Variants in OTUD7A observed in about 807,000 individuals in gnomAD.
The protein encoded by OTUD7A is OTU domain-containing protein 7A.
Under a neutral mutation model 65.7 loss-of-function variants are expected in OTUD7A, and 12 were observed. The observed-to-expected ratio is 0.18, with a 90% confidence interval of 0.12 to 0.30. The LOEUF (loss-of-function observed/expected upper bound fraction) is 0.30. OTUD7A is among the 10% of genes least tolerant of loss of function. The pLI is 1.00. For synonymous variants in OTUD7A, 641 were observed against 586.3 expected (o/e 1.09, Z -1.35); for missense variants, 1,148 against 1,304.8 (o/e 0.88, Z 1.85).
intron 3 of OTUD7A, among the ~76,000 whole-genome samples, chr15:31,581,217 C>T (rs563073282): frequency 1.3e-5 from 2 of 152,338 alleles, no homozygotes; most frequent in East Asian, 3.9e-4. Context: ...AGGTGGGTTC[C>T]CATGGTCTTG....
At chr15:31,612,570 A>G (rs543653025) in intron 3 of OTUD7A, among the ~76,000 whole-genome samples, 1 of 152,290 alleles carries the variant, frequency 6.6e-6, no homozygotes, top group South Asian at 2.1e-4. Context: ...TAAAATACCT[A>G]GGAATATACC....
chr15:31,696,790 G>A (rs1404592101), intron 1 of OTUD7A, among the ~76,000 whole-genome samples: 2 of 151,790 alleles, frequency 1.3e-5, no homozygotes, highest in Non-Finnish European at 2.9e-5. Flanking sequence ...AGGGCCTGGG[G>A]CTAGGTGTCT....
chr15:31,618,156 A>AT (rs1446275844), intron 3 of OTUD7A, among the ~76,000 whole-genome samples: 1 of 151,962 alleles, frequency 6.6e-6, no homozygotes, highest in African/African-American at 2.4e-5. Flanking sequence ...TATGTGCCAC[A>AT]TTTTCTTAAT....
intron 9 of OTUD7A, among the ~76,000 whole-genome samples, chr15:31,502,681 C>G (rs1053415423): frequency 6.6e-6 from 1 of 152,150 alleles, no homozygotes; most frequent in Non-Finnish European, 1.5e-5. Context: ...GAAGCGTGGA[C>G]CTTCCTCTGC....
At chr15:31,559,873 G>A (rs1368803381) in intron 4 of OTUD7A, among the ~76,000 whole-genome samples, 2 of 152,304 alleles carry the variant, frequency 1.3e-5, no homozygotes, top group East Asian at 3.9e-4. Context: ...TATTCTCTCT[G>A]CAACAGCCCT....
intron 1 of OTUD7A, among the ~76,000 whole-genome samples, chr15:31,776,618 C>T (rs868860523): frequency 1.3e-5 from 2 of 152,208 alleles, no homozygotes; most frequent in African/African-American, 4.8e-5. Flanking sequence ...ACTAAAGCTA[C>T]AACCCAATTA....
rs183800270 is a variant in OTUD7A at position 31,532,340 on chromosome 15, A to G, written c.551-1532T>C. Among the ~76,000 whole-genome samples the G allele has an allele frequency of 3.1e-3, 465 of 152,338 alleles. 3 individuals are homozygous for G. The highest frequency in any genetic ancestry group is 0.01 in the African/African-American group (432 of 41,590). ...ATAGAAAGTCTTACCAAAACAATAG[A>G]AGATACAAAACAGAGCCAAATAAAG... On this transcript the variant is annotated intron_variant, in intron 5 of 12. Coordinates refer to ENST00000307050, the MANE Select transcript of OTUD7A (RefSeq NM_001382637.1).
intron 3 of OTUD7A, among the ~76,000 whole-genome samples, chr15:31,595,429 A>C (rs1053398751): frequency 6.6e-6 from 1 of 152,228 alleles, no homozygotes; most frequent in South Asian, 2.1e-4. Context: ...GATAATTTGT[A>C]CATGGTAGAA....
In OTUD7A at chr15:31,658,014, C is replaced by CTT. The variant is rs763262211; in HGVS notation, c.-99-938_-99-937insAA. On this transcript the variant is annotated intron_variant, in intron 1 of 12. Transcript: ENST00000307050. ...AATGTGTCCCATCAATGCATGGTGA[C>CTT]TGCCTTAGGAGGGGCAGTGCCGTGT... Among the ~76,000 whole-genome samples the CTT allele has an allele frequency of 6.4e-4, 97 of 152,308 alleles. 2 individuals are homozygous for CTT. The highest frequency in any genetic ancestry group is 1.1e-3 in the Admixed American group (17 of 15,312).
At position 31,862,079 on chromosome 15, in the gene OTUD7A, C is replaced by T. The variant is rs182488307; in HGVS notation, c.-100+8428G>A. Reference sequence around the variant, plus strand: ...CCCCCAGGGGAAAATGCCAAGACCACCCTCTCTGGTAGTACCTCAGGTCAC... The same window carrying T: ...CCCCCAGGGGAAAATGCCAAGACCATCCTCTCTGGTAGTACCTCAGGTCAC... On this transcript the variant is annotated intron_variant, in intron 1 of 12. Transcript: ENST00000307050. 3.3e-5 allele frequency among the ~76,000 whole-genome samples: 5 copies of T among 152,282 alleles called. No homozygotes were observed. In the East Asian group the frequency reaches 5.8e-4, roughly 18 times the overall value.
At chr15:31,866,102 A>AT in intron 1 of OTUD7A, among the ~76,000 whole-genome samples, 1 of 152,274 alleles carries the variant, frequency 6.6e-6, no homozygotes, top group African/African-American at 2.4e-5. Flanking sequence ...AACTTGTATT[A>AT]GCATTAATGT....
At chr15:31,748,990 A>C (rs1458994027) in intron 1 of OTUD7A, among the ~76,000 whole-genome samples, 1 of 152,146 alleles carries the variant, frequency 6.6e-6, no homozygotes, top group African/African-American at 2.4e-5. Context: ...CCTTTGTAGG[A>C]ACATGGATGA....
In OTUD7A at chr15:31,476,410, G is replaced by C. The variant is rs1447779303; in HGVS notation, c.*6884C>G. 1 of 152,310 alleles carries C rather than the reference G, an allele frequency of 6.6e-6. No homozygotes were observed. The highest frequency in any genetic ancestry group is 1.5e-5 in the Non-Finnish European group (1 of 68,094). The allele number at this position is 152,310 out of a possible 1,614,324, so 9.4% of individuals were successfully genotyped here. A position where few individuals can be genotyped will look rare whatever the true frequency, so the allele number is the denominator to read the frequency against. Reference sequence around the variant, plus strand: ...TTCCATTCCTGCAAGCGGGAAGAATGTGTGCAAAGAGCTGGACAGCCCATA... The same window carrying C: ...TTCCATTCCTGCAAGCGGGAAGAATCTGTGCAAAGAGCTGGACAGCCCATA... On this transcript the variant is annotated 3_prime_UTR_variant, in exon 13 of 13. Coordinates refer to ENST00000307050, the MANE Select transcript of OTUD7A (RefSeq NM_001382637.1).
At chr15:31,564,447 TTATCTAAATAAGCAAAGGCAACAAAAAG>T (rs1888800085) in intron 4 of OTUD7A, among the ~76,000 whole-genome samples, 1 of 149,328 alleles carries the variant, frequency 6.7e-6, no homozygotes, top group South Asian at 2.1e-4. Context: ...GAGTTAATTG[TTATCTAAATAAGCAAAGGCAACAAAAAG>T]TATCTAAATA....
At chr15:31,583,245 C>T (rs1297234519) in intron 3 of OTUD7A, among the ~76,000 whole-genome samples, 1 of 152,160 alleles carries the variant, frequency 6.6e-6, no homozygotes, top group Non-Finnish European at 1.5e-5. Context: ...TAGTCTCTAG[C>T]AAGAGGCATT....
intron 1 of OTUD7A, among the ~76,000 whole-genome samples, chr15:31,842,025 T>C (rs1187240626): frequency 6.6e-6 from 1 of 152,214 alleles, no homozygotes; most frequent in Non-Finnish European, 1.5e-5. Context: ...TGCATGCCCA[T>C]CAACAGTGAA....
chr15:31,723,101 G>T (rs963022543), intron 1 of OTUD7A, among the ~76,000 whole-genome samples: 5 of 152,188 alleles, frequency 3.3e-5, no homozygotes, highest in African/African-American at 4.8e-5. Flanking sequence ...ATAGGATGCA[G>T]GAGGGCAAGG....
rs1368354429 is a variant in OTUD7A, at chr15:31,480,743, G to A, written c.*2551C>T. ...CCTTTTGCATTTTTAATACTGTTTA[G>A]AGGAAGGATGGATCCAGCTCTCTCA... On this transcript the variant is annotated 3_prime_UTR_variant, in exon 13 of 13. Coordinates refer to ENST00000307050, the MANE Select transcript of OTUD7A (RefSeq NM_001382637.1). The A allele has an allele frequency of 6.6e-6, 1 of 152,284 alleles. No homozygotes were observed. 9.4% of individuals were successfully genotyped at this position (152,284 alleles called of 1,614,324 possible). A position where few individuals can be genotyped will look rare whatever the true frequency, so the allele number is the denominator to read the frequency against.
At chr15:31,779,578 C>T (rs974235472) in intron 1 of OTUD7A, among the ~76,000 whole-genome samples, 4 of 152,146 alleles carry the variant, frequency 2.6e-5, no homozygotes, top group African/African-American at 7.2e-5. Context: ...ATCTCCTTTC[C>T]GTGGCCTTTG....
Sources: allele counts gnomAD v4.1 joint callset (sites outside exome capture counted in the v4.1 genomes callset), GRCh38; gene constraint gnomAD v4.1.1; transcripts MANE v1.5; gene names NCBI Gene and HGNC (gene_info 2026-07-23, HGNC 2026-07-21).